Variants in CSMD1 observed in about 807,000 individuals in gnomAD.
The protein encoded by CSMD1 is CUB and Sushi multiple domains 1.
CSMD1 carries 213 observed loss-of-function variants against 417.5 expected under a neutral mutation model. The observed-to-expected ratio is 0.51, with a 90% confidence interval of 0.46 to 0.57. CSMD1 has a LOEUF of 0.57. Ranked by LOEUF, CSMD1 falls within the 20% of genes least tolerant of loss-of-function variation. The pLI is 0.00. For synonymous variants in CSMD1, 2,862 were observed against 1,736.8 expected, an observed-to-expected ratio of 1.65 and a Z score of -16.11; for missense variants, 6,923 against 4,529.7, an observed-to-expected ratio of 1.53 and a Z score of -15.17.
intron 4 of CSMD1, among the ~76,000 whole-genome samples, chr8:4,022,450 G>C (rs569731928): frequency 2.6e-5 from 4 of 152,236 alleles, no homozygotes; most frequent in East Asian, 3.9e-4. Context: ...CGTGGATGCA[G>C]ATAAGGACAT....
At chr8:3,434,729 A>G (rs1036059633) in intron 12 of CSMD1, among the ~76,000 whole-genome samples, 5 of 152,128 alleles carry the variant, frequency 3.3e-5, no homozygotes, top group African/African-American at 1.2e-4. Flanking sequence ...TAAAATCACT[A>G]ATTTAACATC....
intron 1 of CSMD1, among the ~76,000 whole-genome samples, chr8:4,736,339 G>T (rs191151364): frequency 6.4e-4 from 97 of 152,284 alleles, no homozygotes; most frequent in Middle Eastern, 3.4e-3. Flanking sequence ...GAGATATTCA[G>T]ATAATAAGGA....
chr8:3,473,985 A>T (rs970388949), intron 11 of CSMD1, among the ~76,000 whole-genome samples: 4 of 152,020 alleles, frequency 2.6e-5, no homozygotes, highest in African/African-American at 9.7e-5. Flanking sequence ...ATCTAGTAAA[A>T]ACTCCTTCAC....
intron 2 of CSMD1, among the ~76,000 whole-genome samples, chr8:4,612,359 A>AC (rs1801224137): frequency 6.6e-6 from 1 of 152,056 alleles, no homozygotes. Flanking sequence ...TTGAAAAAAA[A>AC]CAAGAGGAAT....
chr8:3,727,900 T>C (rs973485140), intron 6 of CSMD1, among the ~76,000 whole-genome samples: 3 of 152,190 alleles, frequency 2.0e-5, no homozygotes, highest in African/African-American at 4.8e-5. Flanking sequence ...GATAATTAGA[T>C]ACTTAGAGTA....
At position 4,123,022 on chromosome 8, in the gene CSMD1, C is replaced by A. The variant is rs145572245; in HGVS notation, c.416-90923G>T. On this transcript the variant is annotated intron_variant, in intron 3 of 69. Coordinates refer to ENST00000635120, the MANE Select transcript of CSMD1 (RefSeq NM_033225.6). ...CTGAGCTTCCAGCTTTGACAAATTA[C>A]AATCAGAGACTGGAATTTTTCTGTG... 3.9e-4 allele frequency among the ~76,000 whole-genome samples: 60 copies of A among 152,288 alleles called. No homozygotes were observed. In the East Asian group the frequency reaches 0.01, roughly 26 times the overall value.
At chr8:4,281,676 T>A (rs1028336368) in intron 3 of CSMD1, among the ~76,000 whole-genome samples, 6 of 152,192 alleles carry the variant, frequency 3.9e-5, no homozygotes, top group African/African-American at 1.4e-4. Flanking sequence ...TAGTAACATC[T>A]GTATGTGATA....
chr8:4,157,415 C>T (rs1584927101), intron 3 of CSMD1, among the ~76,000 whole-genome samples: 7 of 152,086 alleles, frequency 4.6e-5, no homozygotes, highest in Non-Finnish European at 7.4e-5. Flanking sequence ...TTTCTATTTT[C>T]GTCCTTTTTC....
At chr8:3,803,790 C>A (rs965870578) in intron 5 of CSMD1, among the ~76,000 whole-genome samples, 1 of 152,136 alleles carries the variant, frequency 6.6e-6, no homozygotes, top group Non-Finnish European at 1.5e-5. Context: ...TGGAAAATAT[C>A]TTTCTGCCTA....
chr8:3,127,529 G>C (rs549684048), intron 41 of CSMD1: 2 of 152,084 alleles, frequency 1.3e-5, no homozygotes, highest in African/African-American at 2.4e-5. Flanking sequence ...GGAAAAATTG[G>C]TATAACAAAC....
chr8:3,308,292 A>AATGGTC lies in CSMD1; in HGVS notation c.3823+19_3823+20insGACCAT. 6.3e-7 allele frequency: 1 copy of AATGGTC among 1,585,724 alleles called. No homozygotes were observed. Among genetic ancestry groups the AATGGTC allele is most frequent in the Non-Finnish European group, 8.6e-7 (1 of 1,158,510 alleles). On this transcript the variant is annotated intron_variant, in intron 24 of 69. Coordinates refer to ENST00000635120, the MANE Select transcript of CSMD1 (RefSeq NM_033225.6). ...TAAGGCCTGGCTTTTGCACAATGGT[A>AATGGTC]TGACTGCTTCCACACTCACCTATGC... is the stretch of plus-strand genomic sequence containing the variant.
intron 5 of CSMD1, among the ~76,000 whole-genome samples, chr8:3,851,863 C>T (rs192535028): frequency 6.6e-6 from 1 of 152,016 alleles, no homozygotes; most frequent in Non-Finnish European, 1.5e-5. Context: ...CAGACATGGC[C>T]ATGCAAAGCC....
rs529454188 is a variant in CSMD1, at chr8:3,428,633, G to C, written c.1562-19028C>G. Among the ~76,000 whole-genome samples the C allele has an allele frequency of 1.2e-3, 178 of 152,198 alleles. 1 individual carries two copies. Among genetic ancestry groups the C allele is most frequent in the African/African-American group, 4.2e-3 (173 of 41,530 alleles). ...GGTGGAACTTAGTACAGCCACCATG[G>C]AAAACAGTATGCAGCTTTCTTATAA... On this transcript the variant is annotated intron_variant, in intron 12 of 69. Coordinates refer to ENST00000635120, the MANE Select transcript of CSMD1 (RefSeq NM_033225.6).
At chr8:3,366,832 T>G (rs1402222700) in intron 20 of CSMD1, among the ~76,000 whole-genome samples, 200 bp downstream of exon 20, 1 of 152,214 alleles carries the variant, frequency 6.6e-6, no homozygotes, top group East Asian at 1.9e-4. Context: ...TGGCATTTTC[T>G]GGATGCCACA....
intron 3 of CSMD1, among the ~76,000 whole-genome samples, chr8:4,293,684 C>G (rs1026422808): frequency 2.0e-5 from 3 of 152,126 alleles, no homozygotes; most frequent in Admixed American, 6.5e-5. Context: ...ACAATCATAT[C>G]TCATTACTTA....
chr8:4,801,033 C>A (rs1798256143), intron 1 of CSMD1, among the ~76,000 whole-genome samples: 1 of 152,114 alleles, frequency 6.6e-6, no homozygotes, highest in Non-Finnish European at 1.5e-5. Flanking sequence ...TTGGATTCAC[C>A]ATTTAATACG....
chr8:3,792,718 G>C (rs1180789490), intron 5 of CSMD1, among the ~76,000 whole-genome samples: 3 of 152,180 alleles, frequency 2.0e-5, no homozygotes, highest in Non-Finnish European at 2.9e-5. Context: ...TCAAGTTGGT[G>C]AAAGAGTTTC....
chr8:3,184,784 A>C (rs1585588680), intron 36 of CSMD1, among the ~76,000 whole-genome samples: 1 of 152,292 alleles, frequency 6.6e-6, no homozygotes, highest in African/African-American at 2.4e-5. Flanking sequence ...CAATAGTCTC[A>C]GACTTTTGAG....
intron 2 of CSMD1, among the ~76,000 whole-genome samples, chr8:4,634,619 G>A (rs1262506024): frequency 6.6e-6 from 1 of 152,154 alleles, no homozygotes; most frequent in African/African-American, 2.4e-5. Context: ...TCCGTCCTTT[G>A]AATTCTAGAG....
Sources: allele counts gnomAD v4.1 joint callset (sites outside exome capture counted in the v4.1 genomes callset), GRCh38; gene constraint gnomAD v4.1.1; transcripts MANE v1.5; gene names NCBI Gene and HGNC (gene_info 2026-07-23, HGNC 2026-07-21).